Variants in FAM151B observed in about 807,000 individuals in gnomAD.
FAM151B encodes the protein family with sequence similarity 151 member B, also known as protein FAM151B.
Under a neutral mutation model 31.2 loss-of-function variants are expected in FAM151B, and 24 were observed. The observed-to-expected ratio is 0.77, with a 90% CI of 0.56 to 1.08. FAM151B has a LOEUF of 1.08. Ranked by LOEUF, FAM151B falls within the 50% of genes least tolerant of loss-of-function variation. The pLI is 0.00. For synonymous variants in FAM151B, 105 were observed against 111.4 expected (o/e 0.94, Z 0.36); for missense variants, 293 against 328.6 (o/e 0.89, Z 0.84).
intron 1 of FAM151B, chr5:80,498,528 A>C: frequency 1.0e-6 from 1 of 997,656 alleles, no homozygotes; most frequent in Non-Finnish European, 1.5e-6. Flanking sequence ...ACTCATAGAC[A>C]ATTACTTGTC....
chr5:80,541,539 A>T, intron 5 of FAM151B, 134 bp from the exon 6 acceptor site: 1 of 768,452 alleles, frequency 1.3e-6, no homozygotes, highest in Non-Finnish European at 2.2e-6. Context: ...AAGTACAGTT[A>T]CACCATTGCT....
At chr5:80,507,558 G>A (rs1744016112) in intron 2 of FAM151B, among the ~76,000 whole-genome samples, 1 of 152,152 alleles carries the variant, frequency 6.6e-6, no homozygotes, top group African/African-American at 2.4e-5. Flanking sequence ...GTGCATGCCT[G>A]TAATCCCAGC....
chr5:80,521,090 T>C (rs1222649743), intron 4 of FAM151B, among the ~76,000 whole-genome samples: 2 of 149,330 alleles, frequency 1.3e-5, no homozygotes, highest in East Asian at 3.9e-4. Context: ...GTGCTGGGAT[T>C]ACAGGCATGA....
intron 1 of FAM151B, among the ~76,000 whole-genome samples, chr5:80,489,421 TCTC>T (rs1223430277): frequency 2.6e-5 from 4 of 152,152 alleles, no homozygotes; most frequent in Non-Finnish European, 5.9e-5. Context: ...CTTGTGCTCT[TCTC>T]AGTATAAATC....
At chr5:80,500,108 T>A (rs1478488108) in intron 1 of FAM151B, 7 of 267,898 alleles carry the variant, frequency 2.6e-5, no homozygotes, top group Admixed American at 5.0e-5. Context: ...ACATCATGGA[T>A]GAGCCCGGAG....
chr5:80,509,979 T>A (rs995838698), intron 2 of FAM151B, among the ~76,000 whole-genome samples: 1 of 152,238 alleles, frequency 6.6e-6, no homozygotes, highest in Non-Finnish European at 1.5e-5. Flanking sequence ...CCAGCTTCCA[T>A]GAACAGTTCC....
rs1315996184 is a variant in FAM151B, at chr5:80,538,372, T to TTTTCTTTCTTTC, written c.672-3235_672-3224dup. Among the ~76,000 whole-genome samples, 133 of 111,632 alleles carry TTTTCTTTCTTTC rather than the reference T, an allele frequency of 1.2e-3. 4 individuals carry two copies. The highest frequency in any genetic ancestry group is 1.8e-3 in the South Asian group (6 of 3,420). 73.2% of individuals were successfully genotyped at this position (111,632 alleles called of 152,430 possible). A position where few individuals can be genotyped will look rare whatever the true frequency, so the allele number is the denominator to read the frequency against. On this transcript the variant is annotated intron_variant, in intron 5 of 5. Transcript: ENST00000282226. ...ATGAGCCACCGCACCCAGCCTTTCT[T>TTTTCTTTCTTTC]TTTCTTTCTTTCTTTCTTTCTTTCT...
In FAM151B at chr5:80,488,139, G is replaced by A. The variant is rs1422826475; in HGVS notation, c.16G>A (p.Gly6Arg). The A allele has an allele frequency of 1.3e-6, 2 of 1,543,374 alleles. No homozygotes were observed. Among genetic ancestry groups the A allele is most frequent in the South Asian group, 2.4e-5 (2 of 83,946 alleles). MAASAGGPGSWSENIL... is the reference protein window; with the variant it reads MAASARGPGSWSENIL... ...CGTCGTCACCATGGCAGCATCCGCT[G>A]GAGGCCCAGGTAAGCGCCGAGCGCG... Residue 6 changes from glycine (G) to arginine (R), a missense_variant, in exon 1 of 6, where the codon GGA becomes AGA. Gly to Arg is a moderately radical substitution (Grantham distance 125). Coordinates refer to ENST00000282226, the MANE Select transcript of FAM151B (RefSeq NM_205548.3).
intron 3 of FAM151B, chr5:80,519,068 C>T (rs1210788905): frequency 6.6e-6 from 1 of 151,930 alleles, no homozygotes; most frequent in Non-Finnish European, 1.5e-5. Context: ...TAAATTTGAA[C>T]TAAAATATAC....
chr5:80,509,595 C>T (rs1316831324), intron 2 of FAM151B, among the ~76,000 whole-genome samples: 2 of 152,070 alleles, frequency 1.3e-5, no homozygotes, highest in African/African-American at 2.4e-5. Flanking sequence ...AATTTTGGCC[C>T]GAGACTGTCT....
In FAM151B at chr5:80,541,994, A is replaced by G; in HGVS notation, c.*162A>G. On this transcript the variant is annotated 3_prime_UTR_variant, in exon 6 of 6. Coordinates refer to ENST00000282226, the MANE Select transcript of FAM151B (RefSeq NM_205548.3). The stretch of plus-strand genomic sequence containing the variant: ...TACTCTGTGGGCATATGTCCTTATA[A>G]TAGTGCACTTACATAAAAGATTTGG... The G allele has an allele frequency of 1.5e-6, 1 of 679,082 alleles. No individual in the cohort carries two copies. Among genetic ancestry groups the G allele is most frequent in the Non-Finnish European group, 2.4e-6 (1 of 418,874 alleles). The allele number at this position is 679,082 out of a possible 1,614,324, so 42.1% of individuals were successfully genotyped here.
intron 5 of FAM151B, among the ~76,000 whole-genome samples, chr5:80,538,486 C>T (rs1745685363): frequency 8.4e-6 from 1 of 118,958 alleles, no homozygotes; most frequent in African/African-American, 3.7e-5. Context: ...TTCTTTCTTT[C>T]CTTCCTTCCT....
chr5:80,509,979 T>G (rs995838698), intron 2 of FAM151B, among the ~76,000 whole-genome samples: 1 of 152,238 alleles, frequency 6.6e-6, no homozygotes, highest in Admixed American at 6.5e-5. Flanking sequence ...CCAGCTTCCA[T>G]GAACAGTTCC....
intron 2 of FAM151B, among the ~76,000 whole-genome samples, chr5:80,503,952 C>T (rs1264848051): frequency 6.6e-6 from 1 of 152,090 alleles, no homozygotes; most frequent in Non-Finnish European, 1.5e-5. Flanking sequence ...CTTCTACCCA[C>T]AGGCTATGGA....
intron 5 of FAM151B, among the ~76,000 whole-genome samples, chr5:80,533,240 G>A (rs1187350054): frequency 1.3e-5 from 2 of 151,964 alleles, no homozygotes; most frequent in African/African-American, 4.8e-5. Flanking sequence ...AGCCGGGCGT[G>A]GTGGCGGGTG....
rs974733326 is a variant in FAM151B, at chr5:80,490,302, G to A, written c.25+2154G>A. Among the ~76,000 whole-genome samples, 4 of 152,062 alleles carry A rather than the reference G, an allele frequency of 2.6e-5. No individual in the cohort carries two copies. The East Asian group carries it at 5.8e-4, about 22-fold the overall frequency. ...CAGCCACTCAGGAGGAGACTGAGGC[G>A]GGAGAATCGCTTAAGCCGGAGAGGC... On this transcript the variant is annotated intron_variant, in intron 1 of 5. Transcript: ENST00000282226.
chr5:80,516,540 GA>G lies in FAM151B; in HGVS notation c.317+2778del, dbSNP rs555308692. Among the ~76,000 whole-genome samples, 18 of 152,010 alleles carry G rather than the reference GA, an allele frequency of 1.2e-4. No homozygotes were observed. The East Asian group carries it at 3.3e-3, about 28-fold the overall frequency. On this transcript the variant is annotated intron_variant, in intron 3 of 5. Coordinates refer to ENST00000282226, the MANE Select transcript of FAM151B (RefSeq NM_205548.3). ...GTTTGATTTACAAATAACTTTTTAG[GA>G]AAAAAATATATTCTATAATAACTAA... is the stretch of plus-strand genomic sequence containing the variant.
intron 3 of FAM151B, among the ~76,000 whole-genome samples, chr5:80,516,592 A>G (rs1744452093): frequency 6.6e-6 from 1 of 152,226 alleles, no homozygotes; most frequent in African/African-American, 2.4e-5. Flanking sequence ...AGGAGACTTA[A>G]ATAAATACCA....
chr5:80,520,103 T>A (rs1217812223), intron 4 of FAM151B, among the ~76,000 whole-genome samples, 193 bp downstream of exon 4: 7 of 152,186 alleles, frequency 4.6e-5, no homozygotes, highest in Non-Finnish European at 8.8e-5. Context: ...CTGGTGACGC[T>A]GCAGATTTTA....
Sources: allele counts gnomAD v4.1 joint callset (sites outside exome capture counted in the v4.1 genomes callset), GRCh38; gene constraint gnomAD v4.1.1; transcripts MANE v1.5; gene names NCBI Gene and HGNC (gene_info 2026-07-23, HGNC 2026-07-21).